Variants in ST7L observed in about 807,000 individuals in gnomAD.
The protein encoded by ST7L is suppressor of tumorigenicity 7 protein-like.
Under a neutral mutation model 72.5 loss-of-function variants are expected in ST7L, and 57 were observed. The ratio of observed to expected loss-of-function variants is 0.79; its 90% CI spans 0.64 to 0.98. ST7L has a LOEUF of 0.98. Among genes scored for constraint, ST7L ranks in the 50% least tolerant of loss-of-function variants. ST7L has a pLI of 0.00. For missense variants in ST7L, 576 were observed against 672.2 expected (o/e 0.86, Z 1.58); for synonymous variants, 221 against 240.9 (o/e 0.92, Z 0.77).
chr1:112,576,119 T>A (rs1436018447), intron 11 of ST7L, among the ~76,000 whole-genome samples: 1 of 152,128 alleles, frequency 6.6e-6, no homozygotes, highest in Non-Finnish European at 1.5e-5. Flanking sequence ...AGATGGGGTT[T>A]CACTCTGTCA....
chr1:112,592,088 C>CAA (rs879509468), intron 5 of ST7L, among the ~76,000 whole-genome samples: 1 of 123,920 alleles, frequency 8.1e-6, no homozygotes, highest in East Asian at 2.3e-4. Context: ...TGTAAAAGGG[C>CAA]AAAAAAAAAA....
Position 112,619,051 on chromosome 1 carries a change from A to G in ST7L, c.63T>C (p.Pro21=). The G allele has an allele frequency of 6.2e-7, 1 of 1,613,954 alleles. No individual in the cohort carries two copies. Among genetic ancestry groups the G allele is most frequent in the Non-Finnish European group, 8.5e-7 (1 of 1,179,982 alleles). ...TCCAGCCTAGCGTCGGGTTTAGGCC[A>G]GGGACAGATGCAGGAGACGCTCCAA... ...AAVGASPASV[P]GLNPTLGWRE... Residue 21 remains proline, a synonymous_variant, in exon 1 of 15, where the codon CCT becomes CCC. Coordinates refer to ENST00000358039, the MANE Select transcript of ST7L (RefSeq NM_017744.5).
chr1:112,554,500 G>A (rs1658764813), intron 12 of ST7L, among the ~76,000 whole-genome samples: 1 of 152,060 alleles, frequency 6.6e-6, no homozygotes, highest in Non-Finnish European at 1.5e-5. Context: ...TGAAGAAATT[G>A]GAACTTTTGT....
rs770110215 is a variant in ST7L at position 112,610,912 on chromosome 1, T to C, written c.380A>G (p.Glu127Gly). The C allele has an allele frequency of 1.9e-6, 3 of 1,614,146 alleles. No homozygotes were observed. Among genetic ancestry groups the C allele is most frequent in the Non-Finnish European group, 2.5e-6 (3 of 1,180,054 alleles). Residue 127 changes from glutamate (E) to glycine (G), a missense_variant, in exon 3 of 15, where the codon GAG becomes GGG. This residue lies in a region of ST7L where 511 missense variants were observed against 600.7 expected (regional missense o/e 0.85). Transcript: ENST00000358039. ...SHLQPLMGGT[E>G]SSISEPGSPS... is the part of the protein sequence containing the mutation. ...AGAACCTGGTTCTGAAATGCTGCTC[T>C]CTGTTCCTCCCATCAGTGGTTGCAA...
At position 112,610,884 on chromosome 1, in the gene ST7L, A is replaced by G; in HGVS notation, c.408T>C (p.Pro136=). The change falls in exon 3 of 15, where the codon CCT becomes CCC. Residue 136 remains proline, a synonymous_variant. Transcript: ENST00000358039. ...TESSISEPGS[P]SRNRENETSR... is the part of the protein sequence containing the mutation. ...TGGTTTCATTTTCTCTGTTCCTCGA[A>G]GGAGAACCTGGTTCTGAAATGCTGC... 2 of 1,614,202 alleles carry G rather than the reference A, an allele frequency of 1.2e-6. No homozygotes were observed. Among genetic ancestry groups the G allele is most frequent in the African/African-American group, 1.3e-5 (1 of 75,060 alleles).
chr1:112,616,156 C>T (rs1330464597), intron 2 of ST7L, among the ~76,000 whole-genome samples: 2 of 152,158 alleles, frequency 1.3e-5, no homozygotes, highest in Non-Finnish European at 2.9e-5. Context: ...GTCCAGGCTA[C>T]CCAGTCCTCA....
At chr1:112,602,386 G>A (rs1295597202) in intron 3 of ST7L, among the ~76,000 whole-genome samples, 1 of 152,102 alleles carries the variant, frequency 6.6e-6, no homozygotes, top group Non-Finnish European at 1.5e-5. Flanking sequence ...TTGTACATCA[G>A]GCACCTGCCT....
chr1:112,617,717 T>TCACACACA (rs56216561), intron 1 of ST7L, among the ~76,000 whole-genome samples: 43 of 126,482 alleles, frequency 3.4e-4, no homozygotes, highest in South Asian at 9.4e-4. Context: ...TTTCTCTCTC[T>TCACACACA]CACACACACA....
chr1:112,617,647 G>C (rs1251557097), intron 1 of ST7L, among the ~76,000 whole-genome samples: 2 of 151,722 alleles, frequency 1.3e-5, no homozygotes, highest in Non-Finnish European at 2.9e-5. Flanking sequence ...AAGAGTTCAA[G>C]GCTGCAGTGA....
rs756797039 is a variant in ST7L, at chr1:112,583,976, T to C, written c.852A>G (p.Gln284=). The change falls in exon 7 of 15, where the codon CAA becomes CAG. Residue 284 remains glutamine, a synonymous_variant. Coordinates refer to ENST00000358039, the MANE Select transcript of ST7L (RefSeq NM_017744.5). ...CQHQSPQHEA[Q]LRRDTNVLVY... ...AACCAGTTCAAACTTGCTTACTCAG[T>C]TGAGCTTCATGCTGAGGACTTTGGT... is the stretch of plus-strand genomic sequence containing the variant. 3 of 1,613,472 alleles carry C rather than the reference T, an allele frequency of 1.9e-6. No homozygotes were observed. The highest frequency in any genetic ancestry group is 2.5e-6 in the Non-Finnish European group (3 of 1,179,824).
intron 9 of ST7L, among the ~76,000 whole-genome samples, chr1:112,580,877 G>A (rs751473058): frequency 6.6e-6 from 1 of 152,172 alleles, no homozygotes; most frequent in African/African-American, 2.4e-5. Flanking sequence ...GCAGTGAGCC[G>A]AGATTGCACC....
At chr1:112,536,245 T>A (rs919774239) in intron 14 of ST7L, among the ~76,000 whole-genome samples, 10 of 152,200 alleles carry the variant, frequency 6.6e-5, no homozygotes, top group East Asian at 5.8e-4. Context: ...GTGAAGAAAT[T>A]TATTTTAATC....
intron 14 of ST7L, among the ~76,000 whole-genome samples, chr1:112,532,332 C>T (rs1042359353): frequency 6.6e-6 from 1 of 152,204 alleles, no homozygotes; most frequent in Non-Finnish European, 1.5e-5. Flanking sequence ...TGGCTGTACT[C>T]TTGATAGGAG....
intron 11 of ST7L, among the ~76,000 whole-genome samples, chr1:112,574,550 T>C (rs1345483318): frequency 2.0e-5 from 3 of 151,092 alleles, no homozygotes; most frequent in Non-Finnish European, 3.0e-5. Flanking sequence ...TCTCAGCTAC[T>C]TGGGAGGCTG....
chr1:112,576,177 A>AC (rs990449931), intron 11 of ST7L, among the ~76,000 whole-genome samples: 1 of 151,868 alleles, frequency 6.6e-6, no homozygotes, highest in South Asian at 2.1e-4. Context: ...TACAGTCTCG[A>AC]CCTCCTGGAC....
intron 5 of ST7L, 98 bp from the exon 6 acceptor site, chr1:112,591,701 T>C: frequency 1.3e-6 from 1 of 785,546 alleles, no homozygotes; most frequent in Non-Finnish European, 2.0e-6. Flanking sequence ...CTTTAAATAA[T>C]ATATTCTTAA....
chr1:112,524,938 A>C lies in ST7L; in HGVS notation c.*1075T>G, dbSNP rs1448578942. The C allele has an allele frequency of 6.6e-6, 1 of 152,174 alleles. No homozygotes were observed. The highest frequency in any genetic ancestry group is 2.4e-5 in the African/African-American group (1 of 41,432). The allele number at this position is 152,174 out of a possible 1,614,324, so 9.4% of individuals were successfully genotyped here. A position where few individuals can be genotyped will look rare whatever the true frequency, so the allele number is the denominator to read the frequency against. Reference sequence around the variant, plus strand: ...AATCAAGGAATATCTACAAAGTCACATTACCAACCTGCAGGCAACTCTTTG... The same window carrying C: ...AATCAAGGAATATCTACAAAGTCACCTTACCAACCTGCAGGCAACTCTTTG... On this transcript the variant is annotated 3_prime_UTR_variant, in exon 15 of 15. Transcript: ENST00000358039.
chr1:112,588,377 A>G (rs1487558054), intron 6 of ST7L, among the ~76,000 whole-genome samples: 1 of 152,212 alleles, frequency 6.6e-6, no homozygotes, highest in Non-Finnish European at 1.5e-5. Context: ...CTGATGGTGG[A>G]GGGAAACCTT....
In ST7L at chr1:112,616,811, A is replaced by T. The variant is rs1669963089; in HGVS notation, c.288+2T>A. The stretch of plus-strand genomic sequence containing the variant: ...TGAAGGAAGGAAATGGAAACTACTT[A>T]CAAATATTAGTCCTGATATCAATGA... On this transcript the variant is annotated splice_donor_variant, in intron 2 of 14. Transcript: ENST00000358039. LOFTEE classifies it high-confidence loss of function. 1 of 1,579,382 alleles carries T rather than the reference A, an allele frequency of 6.3e-7. No individual in the cohort carries two copies. Among genetic ancestry groups the T allele is most frequent in the African/African-American group, 1.4e-5 (1 of 72,978 alleles).
Sources: allele counts gnomAD v4.1 joint callset (sites outside exome capture counted in the v4.1 genomes callset), GRCh38; gene constraint gnomAD v4.1.1; regional missense constraint gnomAD v4.1.1; transcripts MANE v1.5; gene names NCBI Gene and HGNC (gene_info 2026-07-23, HGNC 2026-07-21).